NRCAM: variants seen among roughly 807,000 people sequenced by gnomAD.
NRCAM encodes the protein NgCAM-related cell adhesion molecule.
A neutral mutation model predicts 156.5 loss-of-function variants in NRCAM; 83 were observed. That is an observed-to-expected ratio of 0.53 (90% CI 0.44 to 0.64). NRCAM has a LOEUF of 0.64. Ranked by LOEUF, NRCAM falls within the 30% of genes least tolerant of loss-of-function variation. The probability of loss-of-function intolerance (pLI) is 0.00; values close to 1 mark genes in which losing one functional copy is unlikely to be tolerated. For synonymous variants in NRCAM, 538 were observed against 563.9 expected, an observed-to-expected ratio of 0.95 and a Z score of 0.65; for missense variants, 1,417 against 1,597.3, an observed-to-expected ratio of 0.89 and a Z score of 1.92.
intron 11 of NRCAM, among the ~76,000 whole-genome samples, chr7:108,210,973 G>A (rs867578793): frequency 3.3e-5 from 5 of 152,210 alleles, no homozygotes; most frequent in African/African-American, 1.2e-4. Flanking sequence ...CGGATGGACA[G>A]AGCAGCATGT....
chr7:108,435,161 A>G (rs1300848235), intron 1 of NRCAM, among the ~76,000 whole-genome samples: 2 of 152,220 alleles, frequency 1.3e-5, no homozygotes, highest in Admixed American at 6.5e-5. Flanking sequence ...AAATTAAAGG[A>G]AAATCTGATG....
At chr7:108,220,404 A>G (rs1347627246) in intron 11 of NRCAM, among the ~76,000 whole-genome samples, 1 of 152,216 alleles carries the variant, frequency 6.6e-6, no homozygotes, top group Non-Finnish European at 1.5e-5. Flanking sequence ...AGACTAAGCA[A>G]AAAGAACAAA....
intron 13 of NRCAM, among the ~76,000 whole-genome samples, chr7:108,204,545 A>T (rs1398609834): frequency 6.6e-6 from 1 of 152,258 alleles, no homozygotes; most frequent in Non-Finnish European, 1.5e-5. Flanking sequence ...GGGAAGCTTC[A>T]CAGTACCTTG....
chr7:108,416,563 A>C (rs1303430359), intron 1 of NRCAM, among the ~76,000 whole-genome samples: 1 of 130,766 alleles, frequency 7.6e-6, no homozygotes, highest in Non-Finnish European at 1.6e-5. Context: ...ATTGCCTACT[A>C]CTTCGGGAAA....
chr7:108,426,368 C>A (rs1471366397), intron 1 of NRCAM, among the ~76,000 whole-genome samples: 1 of 152,236 alleles, frequency 6.6e-6, no homozygotes, highest in Non-Finnish European at 1.5e-5. Flanking sequence ...GCACTTGATA[C>A]TTCCCCTTTA....
intron 2 of NRCAM, among the ~76,000 whole-genome samples, chr7:108,397,126 G>A (rs755364881): frequency 6.6e-6 from 1 of 152,086 alleles, no homozygotes; most frequent in Non-Finnish European, 1.5e-5. Context: ...AAGATGAGGT[G>A]GAAACGGCAG....
intron 3 of NRCAM, among the ~76,000 whole-genome samples, chr7:108,297,921 G>A (rs975811373): frequency 2.0e-5 from 3 of 152,142 alleles, no homozygotes; most frequent in Non-Finnish European, 2.9e-5. Flanking sequence ...GGGGATATGT[G>A]CAGGAAGAGT....
At chr7:108,257,005 G>C (rs1299139299) in intron 3 of NRCAM, among the ~76,000 whole-genome samples, 10 of 50,006 alleles carry the variant, frequency 2.0e-4, no homozygotes, top group Admixed American at 5.9e-4. Context: ...GAAGACTGTC[G>C]AAAAAAAAAA....
At chr7:108,301,945 A>G (rs373756224) in intron 3 of NRCAM, among the ~76,000 whole-genome samples, 19 of 152,200 alleles carry the variant, frequency 1.2e-4, no homozygotes, top group African/African-American at 3.4e-4. Context: ...GCCTTTCATC[A>G]TAATAAATAT....
chr7:108,316,418 A>C (rs545681604), intron 2 of NRCAM, among the ~76,000 whole-genome samples: 1 of 152,298 alleles, frequency 6.6e-6, no homozygotes, highest in Middle Eastern at 3.4e-3. Flanking sequence ...ACTCTGTTGC[A>C]CAAAACAGAC....
At chr7:108,288,796 A>G (rs1483065634) in intron 3 of NRCAM, among the ~76,000 whole-genome samples, 4 of 152,130 alleles carry the variant, frequency 2.6e-5, no homozygotes, top group Admixed American at 6.5e-5. Context: ...GTAACTAACC[A>G]TATAGACCAT....
chr7:108,373,568 A>C (rs1203522182), intron 2 of NRCAM, among the ~76,000 whole-genome samples: 1 of 152,208 alleles, frequency 6.6e-6, no homozygotes, highest in Non-Finnish European at 1.5e-5. Flanking sequence ...GGGGACAATA[A>C]GGTGGAAACT....
intron 26 of NRCAM, 100 bp downstream of exon 26, chr7:108,177,890 A>G (rs2061554227): frequency 9.6e-7 from 1 of 1,046,912 alleles, no homozygotes; most frequent in Non-Finnish European, 1.3e-6. Flanking sequence ...GTATCGAAAC[A>G]TCACTACGTA....
Position 108,232,473 on chromosome 7 carries a change from G to C in NRCAM, c.280C>G (p.Leu94Val). 1 of 1,613,494 alleles carries C rather than the reference G, an allele frequency of 6.2e-7. No individual in the cohort carries two copies. Among genetic ancestry groups the C allele is most frequent in the Non-Finnish European group, 8.5e-7 (1 of 1,179,696 alleles). The change falls in exon 7 of 33, where the codon CTG becomes GTG. Residue 94 changes from leucine (L) to valine (V), a missense_variant. Leu to Val is a conservative substitution (Grantham distance 32). Transcript: ENST00000379028. Reference sequence around the variant, plus strand: ...CCTGTGCCAGGCTTCATGGTGACCAGAGGGTCTTTATCGATGTCAAAATGA... The same window carrying C: ...CCTGTGCCAGGCTTCATGGTGACCACAGGGTCTTTATCGATGTCAAAATGA... Reference protein sequence around the residue: ...GTHFDIDKDPLVTMKPGTGTL... With the variant: ...GTHFDIDKDPVVTMKPGTGTL...
intron 3 of NRCAM, among the ~76,000 whole-genome samples, chr7:108,287,844 T>C (rs1022381920): frequency 1.3e-5 from 2 of 152,104 alleles, no homozygotes; most frequent in African/African-American, 2.4e-5. Context: ...AACTACCTCT[T>C]GATCCTGTAA....
At chr7:108,199,918 T>A (rs1465267927) in intron 13 of NRCAM, among the ~76,000 whole-genome samples, 2 of 152,206 alleles carry the variant, frequency 1.3e-5, no homozygotes, top group Admixed American at 1.3e-4. Context: ...GTCTTTTAGA[T>A]GTTTTAGACT....
chr7:108,339,363 C>A (rs2099248163), intron 2 of NRCAM, among the ~76,000 whole-genome samples: 1 of 152,158 alleles, frequency 6.6e-6, no homozygotes, highest in Non-Finnish European at 1.5e-5. Context: ...TTGCACTCAG[C>A]CAAGCCTTAA....
At chr7:108,209,629 T>G (rs768966248) in intron 11 of NRCAM, 24 bp from the exon 12 acceptor site, 2 of 1,536,672 alleles carry the variant, frequency 1.3e-6, no homozygotes, top group Admixed American at 4.6e-5. Flanking sequence ...TAAATAATGA[T>G]GTTACAAAAA....
At chr7:108,438,221 A>G (rs1003652716) in intron 1 of NRCAM, among the ~76,000 whole-genome samples, 8 of 152,112 alleles carry the variant, frequency 5.3e-5, no homozygotes, top group African/African-American at 1.4e-4. Context: ...CCAAGGCATT[A>G]TAAGACCAGA....
Sources: allele counts gnomAD v4.1 joint callset (sites outside exome capture counted in the v4.1 genomes callset), GRCh38; gene constraint gnomAD v4.1.1; transcripts MANE v1.5; gene names NCBI Gene and HGNC (gene_info 2026-07-23, HGNC 2026-07-21).